Variants in HOXC11 observed in about 807,000 individuals in gnomAD.
HOXC11 encodes homeobox C11, also known as homeobox protein Hox-C11.
HOXC11 carries 17 observed loss-of-function variants against 23.6 expected under a neutral mutation model. The ratio of observed to expected loss-of-function variants is 0.72; its 90% CI spans 0.49 to 1.08. HOXC11 has a LOEUF of 1.08. Ranked by LOEUF, HOXC11 falls within the 50% of genes least tolerant of loss-of-function variation. HOXC11 has a pLI of 0.00. For synonymous variants in HOXC11, 196 were observed against 183.8 expected, an observed-to-expected ratio of 1.07 and a Z score of -0.54; for missense variants, 413 against 412.1, an observed-to-expected ratio of 1.00 and a Z score of -0.02.
Position 53,975,794 on chromosome 12 carries a change from C to T in HOXC11, c.*381C>T. On this transcript the variant is annotated 3_prime_UTR_variant, in exon 2 of 2. Coordinates refer to ENST00000546378, the MANE Select transcript of HOXC11 (RefSeq NM_014212.4). ...AGCCGAACAATCCTCGAACTAAAAGCCTTCCCTTGCCCATGTGAAAAGATC... is the reference window on the plus strand; with the variant it reads ...AGCCGAACAATCCTCGAACTAAAAGTCTTCCCTTGCCCATGTGAAAAGATC... 2.1e-6 allele frequency: 1 copy of T among 468,004 alleles called. No homozygotes were observed. The highest frequency in any genetic ancestry group is 3.7e-6 in the Non-Finnish European group (1 of 268,004). 29.0% of individuals were successfully genotyped at this position (468,004 alleles called of 1,614,324 possible).
chr12:53,975,564 C>T lies in HOXC11; in HGVS notation c.*151C>T. The T allele has an allele frequency of 1.4e-6, 1 of 701,108 alleles. No homozygotes were observed. Among genetic ancestry groups the T allele is most frequent in the Non-Finnish European group, 2.6e-6 (1 of 391,600 alleles). The allele number at this position is 701,108 out of a possible 1,614,324, so 43.4% of individuals were successfully genotyped here. ...CCACCGCTGTGGCCGGCACTCCATT[C>T]CGGAACCTCCTGGACCCTCTATCTG... On this transcript the variant is annotated 3_prime_UTR_variant, in exon 2 of 2. Transcript: ENST00000546378.
Position 53,975,311 on chromosome 12 carries a change from G to A in HOXC11, c.813G>A (p.Leu271=), listed in dbSNP as rs1281832194. 1.2e-6 allele frequency: 2 copies of A among 1,613,768 alleles called. No homozygotes were observed. Among genetic ancestry groups the A allele is most frequent in the African/African-American group, 2.7e-5 (2 of 74,842 alleles). ...KRLQLSRMLN[L]TDRQVKIWFQ... is the part of the protein sequence containing the mutation. ...TGCAGCTGTCCCGGATGCTGAACCTGACGGACCGACAAGTGAAAATTTGGT... is the reference window on the plus strand; with the variant it reads ...TGCAGCTGTCCCGGATGCTGAACCTAACGGACCGACAAGTGAAAATTTGGT... Residue 271 remains leucine (L), a synonymous_variant, in exon 2 of 2, where the codon CTG becomes CTA. Coordinates refer to ENST00000546378, the MANE Select transcript of HOXC11 (RefSeq NM_014212.4).
In HOXC11 at chr12:53,973,295, G is replaced by A. The variant is rs763832970; in HGVS notation, c.54G>A (p.Arg18=). The A allele has an allele frequency of 1.2e-6, 2 of 1,613,828 alleles. No homozygotes were observed. The highest frequency in any genetic ancestry group is 1.7e-6 in the Non-Finnish European group (2 of 1,180,002). The part of the protein sequence containing the change: ...GNFCSPSRKE[R]GADFGERGSC... ...TCTGCTCTCCGTCGCGCAAGGAGAGGGGCGCAGATTTCGGCGAGCGAGGGA... is the reference window on the plus strand; with the variant it reads ...TCTGCTCTCCGTCGCGCAAGGAGAGAGGCGCAGATTTCGGCGAGCGAGGGA... Residue 18 remains arginine (R), a synonymous_variant, in exon 1 of 2, where the codon AGG becomes AGA. Coordinates refer to ENST00000546378, the MANE Select transcript of HOXC11 (RefSeq NM_014212.4). The surrounding 1 kb of genome is among the most constrained non-coding windows in gnomAD (Gnocchi z 4.3).
Position 53,977,078 on chromosome 12 carries a change from T to G in HOXC11, c.*1665T>G, listed in dbSNP as rs1939275038. 1 of 152,166 alleles carries G rather than the reference T, an allele frequency of 6.6e-6. No homozygotes were observed. The highest frequency in any genetic ancestry group is 1.5e-5 in the Non-Finnish European group (1 of 68,034). The allele number at this position is 152,166 out of a possible 1,614,324, so 9.4% of individuals were successfully genotyped here. On this transcript the variant is annotated 3_prime_UTR_variant, in exon 2 of 2. Coordinates refer to ENST00000546378, the MANE Select transcript of HOXC11 (RefSeq NM_014212.4). Reference sequence around the variant, plus strand: ...GCCACCCTGATGTTTATACATTGGGTGTCCCACAGTAGAAAGCCCCAGAGG... The same window carrying G: ...GCCACCCTGATGTTTATACATTGGGGGTCCCACAGTAGAAAGCCCCAGAGG...
At chr12:53,974,462 T>C (rs989112087) in intron 1 of HOXC11, among the ~76,000 whole-genome samples, 3 of 152,086 alleles carry the variant, frequency 2.0e-5, no homozygotes, top group Non-Finnish European at 4.4e-5. Flanking sequence ...TTAAAACTAG[T>C]TTTGAAAATG....
Position 53,975,201 on chromosome 12 carries a change from A to G in HOXC11, c.703A>G (p.Lys235Glu). The G allele has an allele frequency of 6.4e-7, 1 of 1,571,474 alleles. No individual in the cohort carries two copies. Among genetic ancestry groups the G allele is most frequent in the Non-Finnish European group, 8.6e-7 (1 of 1,156,846 alleles). The change falls in exon 2 of 2, where the codon AAG becomes GAG. Residue 235 changes from lysine to glutamate, a missense_variant. Coordinates refer to ENST00000546378, the MANE Select transcript of HOXC11 (RefSeq NM_014212.4). ...AAPNAPRTRK[K>E]RCPYSKFQIR... ...TCCAGACGCCCCCCGCACCCGCAAG[A>G]AGCGCTGCCCTTATTCGAAATTCCA... is the stretch of plus-strand genomic sequence containing the variant.
chr12:53,975,405 C>T lies in HOXC11; in HGVS notation c.907C>T (p.Leu303=). ...GCTGCAGTATTTCTCGGGAAATCCT[C>T]TGCTGTAACCTGCAGACCGGGCCCT... ...DRLQYFSGNP[L]L The change falls in exon 2 of 2, where the codon CTG becomes TTG. Residue 303 remains leucine (L), a synonymous_variant. Transcript: ENST00000546378. The T allele has an allele frequency of 6.2e-7, 1 of 1,604,568 alleles. No homozygotes were observed. Among genetic ancestry groups the T allele is most frequent in the African/African-American group, 1.3e-5 (1 of 74,714 alleles).
rs1939226726 is a variant in HOXC11, at chr12:53,974,878, C to T, written c.683-303C>T. On this transcript the variant is annotated intron_variant, in intron 1 of 1. Transcript: ENST00000546378. ...GGCGGAGGGGGAGCAGACAGGGGGC[C>T]CGAGGGGACGCACGTGTACCTGGAG... 9.7e-6 allele frequency: 3 copies of T among 308,814 alleles called. No individual in the cohort carries two copies. The East Asian group carries it at 1.9e-4, about 19-fold the overall frequency. 19.1% of individuals were successfully genotyped at this position (308,814 alleles called of 1,614,324 possible). A position where few individuals can be genotyped will look rare whatever the true frequency, so the allele number is the denominator to read the frequency against.
At position 53,975,708 on chromosome 12, in the gene HOXC11, T is replaced by G; in HGVS notation, c.*295T>G. On this transcript the variant is annotated 3_prime_UTR_variant, in exon 2 of 2. Coordinates refer to ENST00000546378, the MANE Select transcript of HOXC11 (RefSeq NM_014212.4). ...ACTTTGATTTAAAAGAAAACACACC[T>G]CGGCGACAATGTCTTGCTGCTCGGA... The G allele has an allele frequency of 1.8e-6, 1 of 546,138 alleles. No individual in the cohort carries two copies. The highest frequency in any genetic ancestry group is 2.7e-5 in the South Asian group (1 of 37,434). The allele number at this position is 546,138 out of a possible 1,614,324, so 33.8% of individuals were successfully genotyped here.
chr12:53,973,960 G>T lies in HOXC11; in HGVS notation c.682+37G>T. 1 of 1,429,322 alleles carries T rather than the reference G, an allele frequency of 7.0e-7. No homozygotes were observed. The highest frequency in any genetic ancestry group is 9.2e-7 in the Non-Finnish European group (1 of 1,089,604). 88.5% of individuals were successfully genotyped at this position (1,429,322 alleles called of 1,614,324 possible). ...CGGCCGGGGAACGGGCGGGCAGCGA[G>T]GGAGGGAGCGAGAGAGGGAGGGCGA... On this transcript the variant is annotated intron_variant, in intron 1 of 1. Coordinates refer to ENST00000546378, the MANE Select transcript of HOXC11 (RefSeq NM_014212.4). This position sits in a 1 kb window ranked among gnomAD's most constrained non-coding sequence, Gnocchi z 4.3.
In HOXC11 at chr12:53,975,756, T is replaced by C. The variant is rs1210227333; in HGVS notation, c.*343T>C. On this transcript the variant is annotated 3_prime_UTR_variant, in exon 2 of 2. Coordinates refer to ENST00000546378, the MANE Select transcript of HOXC11 (RefSeq NM_014212.4). ...GGATTAGGTGGGGGAGGGGCGACAGTAGTGAGCGCCTGAGCCGAACAATCC... is the reference window on the plus strand; with the variant it reads ...GGATTAGGTGGGGGAGGGGCGACAGCAGTGAGCGCCTGAGCCGAACAATCC... 1.9e-6 allele frequency: 1 copy of C among 523,900 alleles called. No homozygotes were observed. Among genetic ancestry groups the C allele is most frequent in the South Asian group, 3.1e-5 (1 of 32,354 alleles). 32.5% of individuals were successfully genotyped at this position (523,900 alleles called of 1,614,324 possible).
chr12:53,977,451 T>C lies in HOXC11; in HGVS notation c.*2038T>C, dbSNP rs1254544161. On this transcript the variant is annotated 3_prime_UTR_variant, in exon 2 of 2. Transcript: ENST00000546378. ...CCTGCAGCTTAGGTATCTAAATTTCTAATTTGTAAACGTGGGTCGGGTCGT... is the reference window on the plus strand; with the variant it reads ...CCTGCAGCTTAGGTATCTAAATTTCCAATTTGTAAACGTGGGTCGGGTCGT... 1 of 152,258 alleles carries C rather than the reference T, an allele frequency of 6.6e-6. No homozygotes were observed. Among genetic ancestry groups the C allele is most frequent in the Non-Finnish European group, 1.5e-5 (1 of 68,048 alleles). The allele number at this position is 152,258 out of a possible 1,614,324, so 9.4% of individuals were successfully genotyped here. A position where few individuals can be genotyped will look rare whatever the true frequency, so the allele number is the denominator to read the frequency against.
chr12:53,976,582 T>TCC lies in HOXC11; in HGVS notation c.*1170_*1171insCC, dbSNP rs1939264610. Reference sequence around the variant, plus strand: ...CCGGTGCTAGCCGGCCTGGAGCTCCTCTCCGCTGGCAGGGCCAAGAGTATG... The same window carrying TCC: ...CCGGTGCTAGCCGGCCTGGAGCTCCTCCCTCCGCTGGCAGGGCCAAGAGTATG... On this transcript the variant is annotated 3_prime_UTR_variant, in exon 2 of 2. Coordinates refer to ENST00000546378, the MANE Select transcript of HOXC11 (RefSeq NM_014212.4). The TCC allele has an allele frequency of 6.0e-6, 1 of 166,784 alleles. No homozygotes were observed. Among genetic ancestry groups the TCC allele is most frequent in the Non-Finnish European group, 1.3e-5 (1 of 76,210 alleles). The allele number at this position is 166,784 out of a possible 1,614,324, so 10.3% of individuals were successfully genotyped here.
In HOXC11 at chr12:53,975,414, C is replaced by T. The variant is rs1592197033; in HGVS notation, c.*1C>T. The stretch of plus-strand genomic sequence containing the variant: ...TTTCTCGGGAAATCCTCTGCTGTAA[C>T]CTGCAGACCGGGCCCTTTTGGGGGC... On this transcript the variant is annotated 3_prime_UTR_variant, in exon 2 of 2. Transcript: ENST00000546378. The T allele has an allele frequency of 6.3e-7, 1 of 1,583,990 alleles. No individual in the cohort carries two copies. The highest frequency in any genetic ancestry group is 8.7e-7 in the Non-Finnish European group (1 of 1,154,432).
chr12:53,973,407 T>C lies in HOXC11; in HGVS notation c.166T>C (p.Ser56Pro), dbSNP rs1257807701. ...TVSSFLPQAP[S>P]RQISYPYSAQ... The stretch of plus-strand genomic sequence containing the variant: ...CTCCTCCTTCCTGCCCCAGGCCCCC[T>C]CTCGTCAGATCTCCTATCCCTACTC... Residue 56 changes from serine (S) to proline (P), a missense_variant, in exon 1 of 2, where the codon TCT becomes CCT. Physicochemically the swap from Ser to Pro is moderately conservative, Grantham distance 74 (BLOSUM62 -1). Coordinates refer to ENST00000546378, the MANE Select transcript of HOXC11 (RefSeq NM_014212.4). This position sits in a 1 kb window ranked among gnomAD's most constrained non-coding sequence, Gnocchi z 4.3. 6.2e-7 allele frequency: 1 copy of C among 1,613,982 alleles called. No individual in the cohort carries two copies. The highest frequency in any genetic ancestry group is 8.5e-7 in the Non-Finnish European group (1 of 1,179,986).
chr12:53,975,132 G>T (rs545372976), intron 1 of HOXC11, 49 bp from the exon 2 acceptor site: 1 of 856,226 alleles, frequency 1.2e-6, no homozygotes, highest in African/African-American at 1.7e-5. Context: ...CGGGTCTCAC[G>T]TGTCTCTCTC....
chr12:53,973,182 T>C lies in HOXC11; in HGVS notation c.-60T>C, dbSNP rs1281719310. 4.3e-6 allele frequency: 6 copies of C among 1,387,508 alleles called. No individual in the cohort carries two copies. Among genetic ancestry groups the C allele is most frequent in the Admixed American group, 4.6e-5 (2 of 43,928 alleles). The allele number at this position is 1,387,508 out of a possible 1,614,324, so 85.9% of individuals were successfully genotyped here. A position where few individuals can be genotyped will look rare whatever the true frequency, so the allele number is the denominator to read the frequency against. On this transcript the variant is annotated 5_prime_UTR_variant, in exon 1 of 2. Transcript: ENST00000546378. This position sits in a 1 kb window ranked among gnomAD's most constrained non-coding sequence, Gnocchi z 4.3. ...ACGCGTCATCTCGCCTTCCCAAATTTTCCCCCCTCGCTAGACCGGGTCCAA... is the reference window on the plus strand; with the variant it reads ...ACGCGTCATCTCGCCTTCCCAAATTCTCCCCCCTCGCTAGACCGGGTCCAA...
At position 53,976,127 on chromosome 12, in the gene HOXC11, C is replaced by CTTTT. The variant is rs768935038; in HGVS notation, c.*727_*730dup. On this transcript the variant is annotated 3_prime_UTR_variant, in exon 2 of 2. Transcript: ENST00000546378. ...GCTATAGTCTATGCAGTCGTTACCT[C>CTTTT]TTTTTTTTTTTTTTTTAAGAAAATT... 0.027 allele frequency: 4,834 copies of CTTTT among 179,404 alleles called. 99 individuals carry two copies. Among genetic ancestry groups the CTTTT allele is most frequent in the African/African-American group, 0.048 (1,728 of 35,846 alleles). 11.1% of individuals were successfully genotyped at this position (179,404 alleles called of 1,614,324 possible).
Position 53,973,336 on chromosome 12 carries a change from T to G in HOXC11, c.95T>G (p.Leu32Arg). 6.2e-7 allele frequency: 1 copy of G among 1,614,018 alleles called. No individual in the cohort carries two copies. Among genetic ancestry groups the G allele is most frequent in the South Asian group, 1.1e-5 (1 of 91,068 alleles). ...FGERGSCASN[L>R]YLPSCTYYMP... Reference sequence around the variant, plus strand: ...GAGCGAGGGAGCTGCGCCTCCAACCTCTATCTGCCCAGTTGCACTTACTAC... The same window carrying G: ...GAGCGAGGGAGCTGCGCCTCCAACCGCTATCTGCCCAGTTGCACTTACTAC... Residue 32 changes from leucine (L) to arginine (R), a missense_variant, in exon 1 of 2, where the codon CTC (leucine) becomes CGC (arginine). By Grantham distance (102) the Leu-to-Arg change is moderately radical. Transcript: ENST00000546378. This position sits in a 1 kb window ranked among gnomAD's most constrained non-coding sequence, Gnocchi z 4.3.
Sources: allele counts gnomAD v4.1 joint callset (sites outside exome capture counted in the v4.1 genomes callset), GRCh38; gene constraint gnomAD v4.1.1; non-coding constraint Gnocchi (gnomAD v3.1); transcripts MANE v1.5; gene names NCBI Gene and HGNC (gene_info 2026-07-23, HGNC 2026-07-21).